Variants in FAM149B1 observed in about 807,000 individuals in gnomAD.
FAM149B1 encodes family with sequence similarity 149 member B1, also known as primary cilium assembly protein FAM149B1.
Under a neutral mutation model 75.3 loss-of-function variants are expected in FAM149B1, and 56 were observed. That is an observed-to-expected ratio of 0.74 (90% CI 0.60 to 0.93). The LOEUF is 0.93. Ranked by LOEUF, FAM149B1 falls within the 40% of genes least tolerant of loss-of-function variation. The probability of loss-of-function intolerance (pLI) is 0.00; values close to 1 mark genes in which losing one functional copy is unlikely to be tolerated. For synonymous variants in FAM149B1, 259 were observed against 256.1 expected (o/e 1.01, Z -0.11); for missense variants, 639 against 708.4 (o/e 0.90, Z 1.11).
chr10:73,191,635 G>A (rs937511025), intron 3 of FAM149B1, among the ~76,000 whole-genome samples: 1 of 152,044 alleles, frequency 6.6e-6, no homozygotes, highest in Admixed American at 6.5e-5. Flanking sequence ...CACTGTGCCT[G>A]GCCTGACTAT....
At chr10:73,175,407 C>T (rs1423408818) in intron 2 of FAM149B1, among the ~76,000 whole-genome samples, 3 of 152,038 alleles carry the variant, frequency 2.0e-5, no homozygotes, top group Middle Eastern at 3.4e-3. Context: ...CGGTGGCTCA[C>T]GCCTGTAATC....
intron 9 of FAM149B1, chr10:73,231,284 C>T (rs990132259): frequency 2.0e-5 from 3 of 149,038 alleles, no homozygotes; most frequent in Admixed American, 2.0e-4. Flanking sequence ...AATAAAGTTA[C>T]TCTAAATATT....
chr10:73,230,781 A>G, intron 9 of FAM149B1: 1 of 357,612 alleles, frequency 2.8e-6, no homozygotes, highest in Non-Finnish European at 5.4e-6. Context: ...CGTGCTGTCC[A>G]GAATGAGTGC....
intron 5 of FAM149B1, chr10:73,199,947 T>A (rs2042894807): frequency 5.6e-6 from 1 of 178,384 alleles, no homozygotes; most frequent in South Asian, 1.4e-4. Context: ...GATACAAACT[T>A]TAAAAAGTCT....
intron 7 of FAM149B1, among the ~76,000 whole-genome samples, chr10:73,227,558 G>C (rs1231553311): frequency 6.6e-6 from 1 of 152,136 alleles, no homozygotes; most frequent in Non-Finnish European, 1.5e-5. Context: ...ATTCTTAAAA[G>C]TGATTTCTAA....
Position 73,243,756 on chromosome 10 carries a change from G to A in FAM149B1, c.*2737G>A. 1.5e-6 allele frequency: 2 copies of A among 1,337,262 alleles called. No homozygotes were observed. Among genetic ancestry groups the A allele is most frequent in the African/African-American group, 1.5e-5 (1 of 68,418 alleles). The allele number at this position is 1,337,262 out of a possible 1,614,324, so 82.8% of individuals were successfully genotyped here. ...GAAGGTATGCGGTTATGTCTTAAAA[G>A]AAGAAAACAAAATACAACATTCCAA... On this transcript the variant is annotated 3_prime_UTR_variant, in exon 14 of 14. Coordinates refer to ENST00000242505, the MANE Select transcript of FAM149B1 (RefSeq NM_173348.2).
chr10:73,221,060 A>T (rs909504673), intron 7 of FAM149B1, among the ~76,000 whole-genome samples: 3 of 152,220 alleles, frequency 2.0e-5, no homozygotes, highest in Non-Finnish European at 4.4e-5. Context: ...CATTCATATG[A>T]AATGTCCAGA....
At chr10:73,234,619 C>A in intron 10 of FAM149B1, 198 bp from the exon 11 acceptor site, 1 of 595,776 alleles carries the variant, frequency 1.7e-6, no homozygotes, top group Non-Finnish European at 2.9e-6. Context: ...TATAGAGCTT[C>A]AAAACAAAAT....
At chr10:73,237,134 G>A (rs2043840114) in intron 12 of FAM149B1, among the ~76,000 whole-genome samples, 1 of 152,140 alleles carries the variant, frequency 6.6e-6, no homozygotes, top group Admixed American at 6.5e-5. Context: ...ACCTTAACTT[G>A]ATTTATCTGC....
In FAM149B1 at chr10:73,177,986, T is replaced by C. The variant is rs1564679276; in HGVS notation, c.282+11T>C. On this transcript the variant is annotated intron_variant, in intron 3 of 13. Coordinates refer to ENST00000242505, the MANE Select transcript of FAM149B1 (RefSeq NM_173348.2). Reference sequence around the variant, plus strand: ...TCCTGGGGATATGGTGTGAGTTATATGTTATCAGTCTGATAGAGTGCTTGG... The same window carrying C: ...TCCTGGGGATATGGTGTGAGTTATACGTTATCAGTCTGATAGAGTGCTTGG... The C allele has an allele frequency of 1.9e-6, 3 of 1,545,600 alleles. No individual in the cohort carries two copies. The highest frequency in any genetic ancestry group is 2.4e-5 in the South Asian group (2 of 83,450).
rs951782093 is a variant in FAM149B1, at chr10:73,243,257, T to C, written c.*2238T>C. ...CTAAGATCAGGTTGAGAGATTCTGC[T>C]TGGTCTAGTCAATCTGAAAAATTCA... On this transcript the variant is annotated 3_prime_UTR_variant, in exon 14 of 14. Transcript: ENST00000242505. 6 of 826,338 alleles carry C rather than the reference T, an allele frequency of 7.3e-6. No homozygotes were observed. Among genetic ancestry groups the C allele is most frequent in the Non-Finnish European group, 9.6e-6 (5 of 521,496 alleles). The allele number at this position is 826,338 out of a possible 1,614,324, so 51.2% of individuals were successfully genotyped here.
Position 73,208,742 on chromosome 10 carries a change from A to G in FAM149B1, c.666A>G (p.Ser222=), listed in dbSNP as rs965924104. 3 of 1,540,320 alleles carry G rather than the reference A, an allele frequency of 1.9e-6. No individual in the cohort carries two copies. Among genetic ancestry groups the G allele is most frequent in the Non-Finnish European group, 2.6e-6 (3 of 1,140,538 alleles). The stretch of plus-strand genomic sequence containing the variant: ...ATGAGGAAGACTCTATAATCGTCTC[A>G]GAAGGAATAATTGAGGAATACCTAG... ...ERDEEDSIIV[S]EGIIEEYLAF... Residue 222 remains serine (S), a synonymous_variant, in exon 6 of 14, where the codon TCA becomes TCG. Coordinates refer to ENST00000242505, the MANE Select transcript of FAM149B1 (RefSeq NM_173348.2).
chr10:73,174,066 G>C (rs1311700313), intron 1 of FAM149B1, among the ~76,000 whole-genome samples: 1 of 152,096 alleles, frequency 6.6e-6, no homozygotes, highest in Non-Finnish European at 1.5e-5. Flanking sequence ...CAATGTTAAA[G>C]GACATTTGAG....
At chr10:73,200,550 T>C (rs2042910391) in intron 5 of FAM149B1, 2 of 743,242 alleles carry the variant, frequency 2.7e-6, no homozygotes, top group Non-Finnish European at 2.2e-6. Flanking sequence ...AAAATGTTTG[T>C]TTTGGATGAA....
chr10:73,221,763 A>G (rs2043420018), intron 7 of FAM149B1, among the ~76,000 whole-genome samples: 1 of 152,096 alleles, frequency 6.6e-6, no homozygotes, highest in Non-Finnish European at 1.5e-5. Context: ...TTGGTCACTC[A>G]TAAATTAGTC....
chr10:73,194,231 A>AT (rs1157932977), intron 5 of FAM149B1, among the ~76,000 whole-genome samples: 1 of 152,128 alleles, frequency 6.6e-6, no homozygotes, highest in African/African-American at 2.4e-5. Context: ...TATTCTTATT[A>AT]TTCAGGTCTA....
intron 3 of FAM149B1, among the ~76,000 whole-genome samples, chr10:73,191,406 G>A (rs1254345708): frequency 4.0e-5 from 6 of 148,662 alleles, no homozygotes; most frequent in African/African-American, 1.0e-4. Flanking sequence ...GCACAATCTC[G>A]GCTCACCGCA....
intron 7 of FAM149B1, among the ~76,000 whole-genome samples, chr10:73,225,816 T>G (rs923172112): frequency 1.1e-4 from 17 of 152,340 alleles, no homozygotes; most frequent in Admixed American, 1.1e-3. Flanking sequence ...AATTTTATTG[T>G]ACCTTTCCTA....
chr10:73,229,886 C>T (rs571673750), intron 8 of FAM149B1, among the ~76,000 whole-genome samples: 2 of 152,222 alleles, frequency 1.3e-5, no homozygotes, highest in South Asian at 2.1e-4. Context: ...CAATGCCAGT[C>T]CAAGAAACAT....
Sources: allele counts gnomAD v4.1 joint callset (sites outside exome capture counted in the v4.1 genomes callset), GRCh38; gene constraint gnomAD v4.1.1; transcripts MANE v1.5; gene names NCBI Gene and HGNC (gene_info 2026-07-23, HGNC 2026-07-21).